The following DPP4 variants were observed in gnomAD, a reference collection of about 807,000 sequenced individuals.
DPP4 encodes the protein dipeptidyl peptidase 4.
DPP4 carries 93 observed loss-of-function variants against 122.4 expected under a neutral mutation model. The observed-to-expected ratio is 0.76, with a 90% CI of 0.64 to 0.90. The LOEUF (loss-of-function observed/expected upper bound fraction) is 0.90. Among genes scored for constraint, DPP4 ranks in the 40% least tolerant of loss-of-function variants. DPP4 has a pLI of 0.00. For synonymous variants in DPP4, 321 were observed against 302.9 expected (o/e 1.06, Z -0.62); for missense variants, 914 against 907.3 (o/e 1.01, Z -0.09).
intron 2 of DPP4, among the ~76,000 whole-genome samples, chr2:162,051,179 T>C (rs1056415342): frequency 1.3e-5 from 2 of 152,232 alleles, no homozygotes; most frequent in Admixed American, 6.5e-5. Context: ...ATAGTGGCAT[T>C]TAAAATGGCT....
intron 2 of DPP4, among the ~76,000 whole-genome samples, chr2:162,059,340 C>T (rs765499525): frequency 1.3e-5 from 2 of 152,090 alleles, no homozygotes; most frequent in Admixed American, 6.5e-5. Flanking sequence ...CAAACTAATA[C>T]GTACAGGGCT....
Position 162,020,299 on chromosome 2 carries a change from G to C in DPP4, c.1177-3C>G. On this transcript the variant is annotated splice_polypyrimidine_tract_variant and splice_region_variant and intron_variant, in intron 13 of 25. Coordinates refer to ENST00000360534, the MANE Select transcript of DPP4 (RefSeq NM_001935.4). Reference sequence around the variant, plus strand: ...CCTTTTGTAATAAATGTGCAGTCCTGATGGTTTTTTTTTTTTTTCAAAAAA... The same window carrying C: ...CCTTTTGTAATAAATGTGCAGTCCTCATGGTTTTTTTTTTTTTTCAAAAAA... The C allele has an allele frequency of 2.1e-6, 3 of 1,406,976 alleles. No individual in the cohort carries two copies. The highest frequency in any genetic ancestry group is 1.7e-5 in the African/African-American group (1 of 59,134). 87.2% of individuals were successfully genotyped at this position (1,406,976 alleles called of 1,614,324 possible). A position where few individuals can be genotyped will look rare whatever the true frequency, so the allele number is the denominator to read the frequency against.
intron 10 of DPP4, among the ~76,000 whole-genome samples, chr2:162,033,019 A>G (rs1033834797): frequency 6.6e-6 from 1 of 152,024 alleles, no homozygotes. Context: ...GGCTCCAGTC[A>G]CCCCAACCTC....
intron 11 of DPP4, among the ~76,000 whole-genome samples, chr2:162,023,162 C>T (rs1294547208): frequency 1.3e-5 from 2 of 152,130 alleles, no homozygotes; most frequent in African/African-American, 4.8e-5. Flanking sequence ...ATTCTAGATT[C>T]CTGCCCTCCT....
intron 5 of DPP4, among the ~76,000 whole-genome samples, chr2:162,045,202 C>T (rs1486192729): frequency 6.6e-6 from 1 of 152,062 alleles, no homozygotes; most frequent in Non-Finnish European, 1.5e-5. Flanking sequence ...ATAAAGGGTT[C>T]TGTCATTAGG....
chr2:162,029,406 A>C (rs1447293815), intron 10 of DPP4, among the ~76,000 whole-genome samples: 1 of 152,208 alleles, frequency 6.6e-6, no homozygotes, highest in African/African-American at 2.4e-5. Context: ...CTCAGGCTCC[A>C]TGCCACCCTC....
intron 8 of DPP4, 88 bp from the exon 9 acceptor site, chr2:162,035,412 A>G: frequency 7.9e-7 from 1 of 1,268,122 alleles, no homozygotes; most frequent in Non-Finnish European, 1.1e-6. Context: ...TAGCTTTAGT[A>G]ATTACAGTAG....
At chr2:162,035,736 C>G (rs567413527) in intron 8 of DPP4, among the ~76,000 whole-genome samples, 1 of 152,070 alleles carries the variant, frequency 6.6e-6, no homozygotes, top group African/African-American at 2.4e-5. Flanking sequence ...GTACTGAGCC[C>G]GCAGGGTACT....
At position 162,046,900 on chromosome 2, in the gene DPP4, C is replaced by T. The variant is rs138191868; in HGVS notation, c.285+15G>A. 29,980 of 1,495,944 alleles carry T rather than the reference C, an allele frequency of 0.02. 393 individuals carry two copies. The highest frequency in any genetic ancestry group is 0.033 in the South Asian group (2,886 of 88,516). 92.7% of individuals were successfully genotyped at this position (1,495,944 alleles called of 1,614,324 possible). ...CAGAATTCTATGCATGAATTAATTA[C>T]GTGATTAAACATACAAATGTACTGT... On this transcript the variant is annotated intron_variant, in intron 4 of 25. Transcript: ENST00000360534.
chr2:161,993,380 T>C lies in DPP4; in HGVS notation c.2204A>G (p.Tyr735Cys). ...DVGVDFQAMW[Y>C]TDEDHGIASS... ...AGCTATTCCATGGTCTTCATCAGTA[T>C]ACCACTAGAGAGAGAAAGAAAAGAA... Residue 735 changes from tyrosine to cysteine, a missense_variant, in exon 26 of 26, where the codon TAT becomes TGT. Physicochemically the swap from Tyr to Cys is radical, Grantham distance 194. Coordinates refer to ENST00000360534, the MANE Select transcript of DPP4 (RefSeq NM_001935.4). The C allele has an allele frequency of 1.2e-6, 2 of 1,607,968 alleles. No homozygotes were observed. Among genetic ancestry groups the C allele is most frequent in the Admixed American group, 1.7e-5 (1 of 59,972 alleles).
At chr2:162,064,875 A>C (rs938764025) in intron 2 of DPP4, among the ~76,000 whole-genome samples, 8 of 152,244 alleles carry the variant, frequency 5.3e-5, no homozygotes, top group Non-Finnish European at 1.0e-4. Flanking sequence ...AGGAAAGGAG[A>C]GAATTACAGC....
rs17848923 is a variant in DPP4, at chr2:162,019,176, T to A, written c.1298+47A>T. 8.0e-6 allele frequency: 12 copies of A among 1,492,128 alleles called. No individual in the cohort carries two copies. In the East Asian group the frequency reaches 2.7e-4, roughly 34 times the overall value. The allele number at this position is 1,492,128 out of a possible 1,614,324, so 92.4% of individuals were successfully genotyped here. A position where few individuals can be genotyped will look rare whatever the true frequency, so the allele number is the denominator to read the frequency against. On this transcript the variant is annotated intron_variant, in intron 15 of 25. Coordinates refer to ENST00000360534, the MANE Select transcript of DPP4 (RefSeq NM_001935.4). ...AAATAAAAATAGAGTTCAGAAATTG[T>A]TCGTCAGCTAAAATGACTCAAGTCA...
intron 14 of DPP4, 67 bp downstream of exon 14, chr2:162,020,162 C>T: frequency 1.4e-6 from 2 of 1,394,902 alleles, no homozygotes; most frequent in Admixed American, 2.1e-5. Context: ...TTTTTCCCTA[C>T]TTCTGGGCAA....
chr2:162,047,404 T>C lies in DPP4; in HGVS notation c.192A>G (p.Ser64=). The C allele has an allele frequency of 6.6e-7, 1 of 1,525,968 alleles. No homozygotes were observed. The highest frequency in any genetic ancestry group is 8.9e-7 in the Non-Finnish European group (1 of 1,123,178). 94.5% of individuals were successfully genotyped at this position (1,525,968 alleles called of 1,614,324 possible). Residue 64 remains serine, a splice_region_variant and synonymous_variant, in exon 3 of 26, where the codon TCA becomes TCG. Coordinates refer to ENST00000360534, the MANE Select transcript of DPP4 (RefSeq NM_001935.4). Reference sequence around the variant, plus strand: ...TGCCCTACCCCAAAAAATTCTTACCTGAAATCCATCTTAAGGAGTATAACT... The same window carrying C: ...TGCCCTACCCCAAAAAATTCTTACCCGAAATCCATCTTAAGGAGTATAACT... ...RLKLYSLRWI[S]DHEYLYKQEN... is the part of the protein sequence containing the mutation.
In DPP4 at chr2:162,033,896, A is replaced by G. The variant is rs1462725915; in HGVS notation, c.775-243T>C. 4.1e-5 allele frequency among the ~76,000 whole-genome samples: 6 copies of G among 145,648 alleles called. No individual in the cohort carries two copies. The East Asian group carries it at 1.2e-3, about 29-fold the overall frequency. ...TATATATATATATATATATATATAC[A>G]CACTATATAAAACTTGAAGGTCCAA... On this transcript the variant is annotated intron_variant, in intron 9 of 25. Transcript: ENST00000360534.
Position 162,016,856 on chromosome 2 carries a change from G to A in DPP4, c.1479C>T (p.Val493=). The change falls in exon 18 of 26, where the codon GTC becomes GTT. Residue 493 remains valine (V), a synonymous_variant. Coordinates refer to ENST00000360534, the MANE Select transcript of DPP4 (RefSeq NM_001935.4). ...HSSVNDKGLR[V]LEDNSALDKM... The stretch of plus-strand genomic sequence containing the variant: ...TATCCAAAGCTGAATTGTCTTCCAG[G>A]ACTCTCAGCCCTAAAGAAATACAGG... 1 of 1,611,162 alleles carries A rather than the reference G, an allele frequency of 6.2e-7. No homozygotes were observed.
Position 161,993,381 on chromosome 2 carries a change from A to AG in DPP4, c.2202_2203insC (p.Tyr735LeufsTer3). Reference sequence around the variant, plus strand: ...GCTATTCCATGGTCTTCATCAGTATACCACTAGAGAGAGAAAGAAAAGAAG... The same window carrying AG: ...GCTATTCCATGGTCTTCATCAGTATAGCCACTAGAGAGAGAAAGAAAAGAAG... On this transcript the variant is annotated frameshift_variant, in exon 26 of 26. Transcript: ENST00000360534. LOFTEE classifies it high-confidence loss of function. The AG allele has an allele frequency of 6.2e-7, 1 of 1,607,004 alleles. No homozygotes were observed. Among genetic ancestry groups the AG allele is most frequent in the Non-Finnish European group, 8.5e-7 (1 of 1,173,972 alleles).
chr2:162,009,513 T>G (rs1701365322), intron 20 of DPP4, among the ~76,000 whole-genome samples: 3 of 144,274 alleles, frequency 2.1e-5, no homozygotes, highest in Admixed American at 6.9e-5. Flanking sequence ...TTCATAAAAA[T>G]TGTGTGTGTG....
intron 2 of DPP4, among the ~76,000 whole-genome samples, chr2:162,067,115 C>T (rs1684974211): frequency 7.0e-5 from 2 of 28,720 alleles, no homozygotes; most frequent in Admixed American, 4.1e-4. Context: ...GACCTTGGCC[C>T]TGAAGAGGTT....
Sources: allele counts gnomAD v4.1 joint callset (sites outside exome capture counted in the v4.1 genomes callset), GRCh38; gene constraint gnomAD v4.1.1; transcripts MANE v1.5; gene names NCBI Gene and HGNC (gene_info 2026-07-23, HGNC 2026-07-21).